Variants in NIPAL1 observed in about 807,000 individuals in gnomAD.
NIPAL1 encodes magnesium transporter NIPA3.
NIPAL1 carries 35 observed loss-of-function variants against 37.7 expected under a neutral mutation model. The observed-to-expected ratio is 0.93, with a 90% confidence interval of 0.71 to 1.23. The LOEUF is 1.23. Ranked by LOEUF, NIPAL1 falls within the 50% of genes most tolerant of loss-of-function variation. The probability of loss-of-function intolerance (pLI) is 0.00; values close to 1 mark genes in which losing one functional copy is unlikely to be tolerated. For missense variants in NIPAL1, 412 were observed against 473.9 expected (o/e 0.87, Z 1.21); for synonymous variants, 162 against 183.0 (o/e 0.89, Z 0.93).
chr4:48,017,694 A>T (rs1481168916), intron 1 of NIPAL1, among the ~76,000 whole-genome samples: 1 of 152,104 alleles, frequency 6.6e-6, no homozygotes, highest in East Asian at 1.9e-4. Context: ...GGAAGGGGGT[A>T]GGGGGAGCGA....
rs562258182 is a variant in NIPAL1 at position 48,025,834 on chromosome 4, TC to T, written c.313+501del. On this transcript the variant is annotated intron_variant, in intron 2 of 5. Transcript: ENST00000295461. ...GATCTCTGCCACCTCTCCAACTTCCTCTTGCTTTTCTCCCCATCACCTACTT... is the reference window on the plus strand; with the variant it reads ...GATCTCTGCCACCTCTCCAACTTCCTTTGCTTTTCTCCCCATCACCTACTT... Among the ~76,000 whole-genome samples the T allele has an allele frequency of 7.9e-5, 12 of 152,284 alleles. No individual in the cohort carries two copies. The South Asian group carries it at 8.3e-4, about 11-fold the overall frequency.
intron 1 of NIPAL1, among the ~76,000 whole-genome samples, chr4:48,021,119 T>A (rs928147081): frequency 1.8e-4 from 27 of 152,324 alleles, no homozygotes; most frequent in Admixed American, 1.2e-3. Context: ...TTGGCCCTGG[T>A]TTTAGCAGTT....
At position 48,025,178 on chromosome 4, in the gene NIPAL1, A is replaced by G. The variant is rs762497307; in HGVS notation, c.157A>G (p.Ile53Val). ...GCTCTACACGGACCTGAATTACAGC[A>G]TAAACAACTTGAGCATTTCAGCAAA... ...PVLYTDLNYS[I>V]NNLSISANVE... The change falls in exon 2 of 6, where the codon ATA (isoleucine) becomes GTA (valine). Residue 53 changes from isoleucine to valine, a missense_variant. Transcript: ENST00000295461. 9.1e-5 allele frequency: 147 copies of G among 1,614,132 alleles called. No homozygotes were observed. The highest frequency in any genetic ancestry group is 1.2e-4 in the Non-Finnish European group (143 of 1,180,044).
intron 3 of NIPAL1, 144 bp from the exon 4 acceptor site, chr4:48,032,849 C>T: frequency 1.8e-6 from 1 of 563,712 alleles, no homozygotes; most frequent in Non-Finnish European, 3.2e-6. Flanking sequence ...CTCCTACCTG[C>T]TATAAAACAT....
At chr4:48,020,395 T>C (rs755804380) in intron 1 of NIPAL1, among the ~76,000 whole-genome samples, 1 of 152,186 alleles carries the variant, frequency 6.6e-6, no homozygotes, top group Non-Finnish European at 1.5e-5. Context: ...GTAACAGATA[T>C]AAAGAGATTT....
In NIPAL1 at chr4:48,035,030, T is replaced by G. The variant is rs1318732805; in HGVS notation, c.611T>G (p.Leu204Trp). 3 of 1,613,818 alleles carry G rather than the reference T, an allele frequency of 1.9e-6. No individual in the cohort carries two copies. Among genetic ancestry groups the G allele is most frequent in the Non-Finnish European group, 2.5e-6 (3 of 1,179,770 alleles). The part of the protein sequence containing the change: ...VTSLHEMEMK[L>W]RDPGFISFAV... ...TCTTTGCATGAAATGGAAATGAAATTGAGAGACCCAGGTCTGTGATTCAAC... is the reference window on the plus strand; with the variant it reads ...TCTTTGCATGAAATGGAAATGAAATGGAGAGACCCAGGTCTGTGATTCAAC... Residue 204 changes from leucine to tryptophan, a missense_variant, in exon 5 of 6, where the codon TTG (leucine) becomes TGG (tryptophan). Coordinates refer to ENST00000295461, the MANE Select transcript of NIPAL1 (RefSeq NM_207330.3).
At chr4:48,020,047 A>G (rs1715537279) in intron 1 of NIPAL1, among the ~76,000 whole-genome samples, 1 of 152,152 alleles carries the variant, frequency 6.6e-6, no homozygotes, top group Non-Finnish European at 1.5e-5. Flanking sequence ...TGTTAATCCT[A>G]TCTGCCCCCA....
intron 3 of NIPAL1, 110 bp from the exon 4 acceptor site, chr4:48,032,883 A>C (rs1344144862): frequency 3.1e-6 from 2 of 642,310 alleles, no homozygotes; most frequent in Non-Finnish European, 5.6e-6. Context: ...TTTTAGCTAG[A>C]TCTTCCCATG....
intron 1 of NIPAL1, among the ~76,000 whole-genome samples, chr4:48,023,826 A>G (rs1715625503): frequency 6.6e-6 from 1 of 152,096 alleles, no homozygotes; most frequent in Non-Finnish European, 1.5e-5. Flanking sequence ...ATTAGATTCC[A>G]TTTTCTTTAG....
At chr4:48,026,840 T>G (rs1309173414) in intron 2 of NIPAL1, among the ~76,000 whole-genome samples, 1 of 152,022 alleles carries the variant, frequency 6.6e-6, no homozygotes, top group Non-Finnish European at 1.5e-5. Context: ...TGCCTCAGCT[T>G]CCCAAGTAGC....
rs566675219 is a variant in NIPAL1, at chr4:48,039,999, G to A, written c.*3827G>A. On this transcript the variant is annotated 3_prime_UTR_variant, in exon 6 of 6. Transcript: ENST00000295461. ...ACTGAACTAAATGCTATTTAGCCCC[G>A]CCAACAAAGCTTTGTGGAAAAATAT... 33 of 152,056 alleles carry A rather than the reference G, an allele frequency of 2.2e-4. No individual in the cohort carries two copies. Among genetic ancestry groups the A allele is most frequent in the South Asian group, 2.1e-3 (10 of 4,814 alleles). 9.4% of individuals were successfully genotyped at this position (152,056 alleles called of 1,614,324 possible). A position where few individuals can be genotyped will look rare whatever the true frequency, so the allele number is the denominator to read the frequency against.
rs569401673 is a variant in NIPAL1 at position 48,027,121 on chromosome 4, C to T, written c.313+1787C>T. 6.6e-6 allele frequency among the ~76,000 whole-genome samples: 1 copy of T among 151,690 alleles called. No homozygotes were observed. Among genetic ancestry groups the T allele is most frequent in the South Asian group, 2.1e-4 (1 of 4,806 alleles). The stretch of plus-strand genomic sequence containing the variant: ...GATTATCTAGATTGACAAAAAAAAT[C>T]CTATATGGAAACACTTTAACTGAAA... On this transcript the variant is annotated intron_variant, in intron 2 of 5. Coordinates refer to ENST00000295461, the MANE Select transcript of NIPAL1 (RefSeq NM_207330.3). This position sits in a 1 kb window ranked among gnomAD's most constrained non-coding sequence, Gnocchi z 4.1.
chr4:48,034,647 G>A (rs1387517627), intron 4 of NIPAL1, among the ~76,000 whole-genome samples: 1 of 152,194 alleles, frequency 6.6e-6, no homozygotes, highest in Admixed American at 6.5e-5. Context: ...AAGATCACTG[G>A]AAGATTATGG....
chr4:48,029,325 G>C (rs181986770), intron 2 of NIPAL1, among the ~76,000 whole-genome samples: 1 of 152,310 alleles, frequency 6.6e-6, no homozygotes, highest in Non-Finnish European at 1.5e-5. Context: ...CTCAGAAACA[G>C]AAAATCAAAA....
chr4:48,023,651 A>G (rs556142491), intron 1 of NIPAL1, among the ~76,000 whole-genome samples: 1 of 152,342 alleles, frequency 6.6e-6, no homozygotes, highest in Admixed American at 6.5e-5. Flanking sequence ...AGTGGAGAAC[A>G]GATTATAAAA....
chr4:48,017,186 A>G (rs1462084485), intron 1 of NIPAL1, among the ~76,000 whole-genome samples: 2 of 152,126 alleles, frequency 1.3e-5, no homozygotes, highest in African/African-American at 4.8e-5. Flanking sequence ...GGACGGGGAA[A>G]CTCAGGATGC....
chr4:48,031,159 G>A (rs1397638621), intron 3 of NIPAL1, among the ~76,000 whole-genome samples: 2 of 152,054 alleles, frequency 1.3e-5, no homozygotes, highest in Non-Finnish European at 2.9e-5. Context: ...CTGCATCCCA[G>A]TTTCAAGCGA....
At chr4:48,018,391 G>A (rs962840269) in intron 1 of NIPAL1, among the ~76,000 whole-genome samples, 1 of 152,180 alleles carries the variant, frequency 6.6e-6, no homozygotes, top group Non-Finnish European at 1.5e-5. Context: ...TAAGCTCCAG[G>A]CTTAATACCT....
chr4:48,022,908 A>C (rs1715604727), intron 1 of NIPAL1, among the ~76,000 whole-genome samples: 1 of 152,114 alleles, frequency 6.6e-6, no homozygotes, highest in African/African-American at 2.4e-5. Context: ...GGATCATTTA[A>C]ACCCAGGAGG....
Sources: allele counts gnomAD v4.1 joint callset (sites outside exome capture counted in the v4.1 genomes callset), GRCh38; gene constraint gnomAD v4.1.1; non-coding constraint Gnocchi (gnomAD v3.1); transcripts MANE v1.5; gene names NCBI Gene and HGNC (gene_info 2026-07-23, HGNC 2026-07-21).